Variants in VPS13B observed in about 807,000 individuals in gnomAD.
The protein encoded by VPS13B is vacuolar protein sorting 13 homolog B, also known as intermembrane lipid transfer protein VPS13B.
In VPS13B, 285 loss-of-function variants were observed where a neutral mutation model predicts 426.4. That is an observed-to-expected ratio of 0.67 (90% CI 0.61 to 0.74). The LOEUF is 0.74. Among genes scored for constraint, VPS13B ranks in the 30% least tolerant of loss-of-function variants. The pLI is 0.00. For missense variants in VPS13B, 4,537 were observed against 4,782.6 expected (o/e 0.95, Z 1.51); for synonymous variants, 1,676 against 1,676.4 (o/e 1.00, Z 0.01).
intron 17 of VPS13B, among the ~76,000 whole-genome samples, chr8:99,238,137 C>G (rs1174214120): frequency 6.6e-6 from 1 of 152,018 alleles, no homozygotes; most frequent in East Asian, 1.9e-4. Context: ...ATACTATAGA[C>G]CAGGATAGGG....
intron 20 of VPS13B, among the ~76,000 whole-genome samples, chr8:99,385,352 G>A (rs1378166687): frequency 6.6e-6 from 1 of 152,158 alleles, no homozygotes; most frequent in Non-Finnish European, 1.5e-5. Flanking sequence ...ATTTGGAATA[G>A]TTTTGTATCG....
At chr8:99,130,165 G>A (rs1421608436) in intron 8 of VPS13B, among the ~76,000 whole-genome samples, 1 of 152,090 alleles carries the variant, frequency 6.6e-6, no homozygotes, top group African/African-American at 2.4e-5. Context: ...TGCTCTTAGG[G>A]AAATACCTTG....
chr8:99,714,607 G>C (rs1832837915), intron 36 of VPS13B, among the ~76,000 whole-genome samples: 1 of 152,178 alleles, frequency 6.6e-6, no homozygotes, highest in Admixed American at 6.5e-5. Context: ...CATATGATCA[G>C]AGTTAATATT....
chr8:99,667,786 A>AT (rs1312320320), intron 35 of VPS13B, among the ~76,000 whole-genome samples: 1 of 152,204 alleles, frequency 6.6e-6, no homozygotes, highest in African/African-American at 2.4e-5. Flanking sequence ...TTAAATGGGA[A>AT]TAACAGGACA....
chr8:99,317,398 T>C (rs1057195814), intron 19 of VPS13B, among the ~76,000 whole-genome samples: 2 of 152,188 alleles, frequency 1.3e-5, no homozygotes, highest in African/African-American at 4.8e-5. Flanking sequence ...TCTTCTCTTC[T>C]AGCTGTTTTG....
intron 33 of VPS13B, among the ~76,000 whole-genome samples, chr8:99,615,747 G>A (rs879928115): frequency 6.6e-6 from 1 of 152,106 alleles, no homozygotes; most frequent in Non-Finnish European, 1.5e-5. Context: ...CTCTGGGCCT[G>A]TTTCCTGCTG....
At chr8:99,211,242 C>T (rs1025848049) in intron 17 of VPS13B, among the ~76,000 whole-genome samples, 1 of 152,182 alleles carries the variant, frequency 6.6e-6, no homozygotes, top group African/African-American at 2.4e-5. Context: ...CTGGCAGTCA[C>T]TCTACTTACA....
chr8:99,085,580 G>T (rs561566844), intron 3 of VPS13B, among the ~76,000 whole-genome samples: 22 of 152,276 alleles, frequency 1.4e-4, no homozygotes, highest in African/African-American at 4.6e-4. Flanking sequence ...TTTTTGCAGT[G>T]TGTAGTACTG....
intron 19 of VPS13B, among the ~76,000 whole-genome samples, chr8:99,319,773 T>C (rs1038298755): frequency 6.6e-6 from 1 of 152,194 alleles, no homozygotes; most frequent in African/African-American, 2.4e-5. Context: ...TTACTGAGGT[T>C]TTGATATTGG....
chr8:99,758,590 A>G (rs1158760324), intron 39 of VPS13B, among the ~76,000 whole-genome samples: 2 of 152,196 alleles, frequency 1.3e-5, no homozygotes, highest in Non-Finnish European at 2.9e-5. Flanking sequence ...GGTTACCTTT[A>G]GAACCACAGC....
chr8:99,763,135 C>CAG (rs1298112887), intron 39 of VPS13B, among the ~76,000 whole-genome samples: 2 of 35,848 alleles, frequency 5.6e-5, no homozygotes, highest in Admixed American at 2.6e-4. Context: ...GACCTTGTCT[C>CAG]AAAAAAAAAA....
chr8:99,059,730 C>CTTT lies in VPS13B; in HGVS notation c.291+21182_291+21184dup, dbSNP rs34620587. Among the ~76,000 whole-genome samples the CTTT allele has an allele frequency of 7.5e-4, 83 of 110,150 alleles. 1 individual carries two copies. Among genetic ancestry groups the CTTT allele is most frequent in the Non-Finnish European group, 9.8e-4 (56 of 57,404 alleles). 72.3% of individuals were successfully genotyped at this position (110,150 alleles called of 152,430 possible). A position where few individuals can be genotyped will look rare whatever the true frequency, so the allele number is the denominator to read the frequency against. On this transcript the variant is annotated intron_variant, in intron 3 of 61. Transcript: ENST00000357162. ...ACTTTTGTTTTAGGTTTAGCTTCTGCTTTTTTTTTTTTTTTTTTTTGAGAC... is the reference window on the plus strand; with the variant it reads ...ACTTTTGTTTTAGGTTTAGCTTCTGCTTTTTTTTTTTTTTTTTTTTTTTGAGAC...
At chr8:99,249,710 AC>A (rs1817405149) in intron 17 of VPS13B, among the ~76,000 whole-genome samples, 2 of 152,156 alleles carry the variant, frequency 1.3e-5, no homozygotes, top group Non-Finnish European at 2.9e-5. Flanking sequence ...GATGTGAGCC[AC>A]CGCGCCCGGC....
intron 33 of VPS13B, among the ~76,000 whole-genome samples, chr8:99,640,439 C>A (rs1323963267): frequency 2.0e-5 from 3 of 151,798 alleles, no homozygotes; most frequent in South Asian, 2.1e-4. Flanking sequence ...GCTAATTCTT[C>A]ATATTTTTTG....
chr8:99,685,808 G>T (rs372278642), intron 35 of VPS13B, among the ~76,000 whole-genome samples: 13 of 152,262 alleles, frequency 8.5e-5, no homozygotes, highest in East Asian at 3.9e-4. Flanking sequence ...TTCTCTGTCT[G>T]AAAGAAAGGT....
At chr8:99,825,390 GTAT>G (rs1230074134) in intron 51 of VPS13B, among the ~76,000 whole-genome samples, 1 of 151,936 alleles carries the variant, frequency 6.6e-6, no homozygotes, top group African/African-American at 2.4e-5. Context: ...AAGTGTCTGT[GTAT>G]ATCCTTTGCC....
rs1001740410 is a variant in VPS13B at position 99,741,461 on chromosome 8, G to T, written c.7050+20414G>T. ...ATATCCAGGAATTGAACTCAGCTGT[G>T]CACCAAGCGGACCTAATAGACATCT... On this transcript the variant is annotated intron_variant, in intron 39 of 61. Transcript: ENST00000357162. 4.6e-5 allele frequency among the ~76,000 whole-genome samples: 7 copies of T among 152,276 alleles called. 1 individual carries two copies. The highest frequency in any genetic ancestry group is 1.7e-4 in the African/African-American group (7 of 41,544).
At chr8:99,865,495 G>C (rs1415673992) in intron 58 of VPS13B, among the ~76,000 whole-genome samples, 1 of 152,236 alleles carries the variant, frequency 6.6e-6, no homozygotes, top group African/African-American at 2.4e-5. Context: ...GCCTCCGCCA[G>C]GTGAAATCAG....
At chr8:99,873,010 G>C (rs1017100439) in intron 61 of VPS13B, among the ~76,000 whole-genome samples, 4 of 152,284 alleles carry the variant, frequency 2.6e-5, no homozygotes, top group Admixed American at 2.6e-4. Flanking sequence ...CAGATGTCCA[G>C]GCTGACTTTA....
Sources: allele counts gnomAD v4.1 joint callset (sites outside exome capture counted in the v4.1 genomes callset), GRCh38; gene constraint gnomAD v4.1.1; transcripts MANE v1.5; gene names NCBI Gene and HGNC (gene_info 2026-07-23, HGNC 2026-07-21).